Variants in ADAMTSL5 observed in about 807,000 individuals in gnomAD.
ADAMTSL5 encodes the protein ADAMTS-like protein 5.
A neutral mutation model predicts 51.7 loss-of-function variants in ADAMTSL5; 53 were observed. The ratio of observed to expected loss-of-function variants is 1.03; its 90% CI spans 0.82 to 1.29. ADAMTSL5 has a LOEUF of 1.29. ADAMTSL5 is among the 50% of genes most tolerant of loss of function. The pLI is 0.00. For synonymous variants in ADAMTSL5, 285 were observed against 278.7 expected, an observed-to-expected ratio of 1.02 and a Z score of -0.23; for missense variants, 770 against 676.2, an observed-to-expected ratio of 1.14 and a Z score of -1.54.
chr19:1,508,204 A>C lies in ADAMTSL5; in HGVS notation c.490-95T>G, dbSNP rs1913064196. ...CTGGGAGCAAGAGGACGAGGCCTGG[A>C]GGGAAGATGGGGGTGGAGCCTAGGG... On this transcript the variant is annotated intron_variant, in intron 6 of 11. Coordinates refer to ENST00000330475, the MANE Select transcript of ADAMTSL5 (RefSeq NM_213604.3). The C allele has an allele frequency of 2.2e-6, 3 of 1,359,940 alleles. No individual in the cohort carries two copies. The South Asian group carries it at 3.9e-5, about 18-fold the overall frequency. The allele number at this position is 1,359,940 out of a possible 1,614,324, so 84.2% of individuals were successfully genotyped here.
intron 6 of ADAMTSL5, 107 bp downstream of exon 6, chr19:1,508,336 A>C: frequency 1.2e-6 from 1 of 801,348 alleles, no homozygotes; most frequent in Non-Finnish European, 1.5e-6. Context: ...GGTGGAGCCT[A>C]GGGAGGGGGT....
intron 5 of ADAMTSL5, among the ~76,000 whole-genome samples, chr19:1,509,753 A>G (rs1913161403): frequency 6.6e-6 from 1 of 152,106 alleles, no homozygotes; most frequent in Non-Finnish European, 1.5e-5. Context: ...CTTTTCTTAT[A>G]TCTGTGTCTG....
In ADAMTSL5 at chr19:1,510,138, C is replaced by T; in HGVS notation, c.361+12G>A. ...TGGACCAATTCTGACCACAGGAGACCAGACTACTCACCCCCATGGAAGGGC... is the reference window on the plus strand; with the variant it reads ...TGGACCAATTCTGACCACAGGAGACTAGACTACTCACCCCCATGGAAGGGC... On this transcript the variant is annotated intron_variant, in intron 5 of 11. Transcript: ENST00000330475. 6.3e-7 allele frequency: 1 copy of T among 1,599,690 alleles called. No individual in the cohort carries two copies.
chr19:1,508,089 C>T lies in ADAMTSL5; in HGVS notation c.510G>A (p.Leu170=), dbSNP rs1568242524. ...GGTCCTCGAGGGCACCCGAGCCCAA[C>T]AACCCATCACAGCCGGCGCTCTAAA... is the stretch of plus-strand genomic sequence containing the variant. ...GRCLSAGCDG[L]LGSGALEDRC... The change falls in exon 7 of 12, where the codon TTG becomes TTA. Residue 170 remains leucine, a synonymous_variant. Transcript: ENST00000330475. 6.2e-7 allele frequency: 1 copy of T among 1,610,084 alleles called. No homozygotes were observed. The highest frequency in any genetic ancestry group is 1.7e-5 in the Admixed American group (1 of 59,738).
At position 1,507,576 on chromosome 19, in the gene ADAMTSL5, G is replaced by A. The variant is rs1913012224; in HGVS notation, c.669C>T (p.His223=). The part of the protein sequence containing the change: ...PEGARHIRVE[H]RSRNHLALMG... Reference sequence around the variant, plus strand: ...GGATACCCAGGTGGTTGCGGCTCCTGTGTTCCACGCGGATGTGTCTGGCGC... The same window carrying A: ...GGATACCCAGGTGGTTGCGGCTCCTATGTTCCACGCGGATGTGTCTGGCGC... Residue 223 remains histidine, a synonymous_variant, in exon 8 of 12, where the codon CAC becomes CAT. Coordinates refer to ENST00000330475, the MANE Select transcript of ADAMTSL5 (RefSeq NM_213604.3). 9 of 1,613,438 alleles carry A rather than the reference G, an allele frequency of 5.6e-6. No individual in the cohort carries two copies. The highest frequency in any genetic ancestry group is 7.6e-6 in the Non-Finnish European group (9 of 1,180,008).
intron 1 of ADAMTSL5, chr19:1,511,665 GC>G (rs1156961239): frequency 9.3e-7 from 1 of 1,079,524 alleles, no homozygotes; most frequent in South Asian, 1.3e-5. Context: ...ACTCTCCCAG[GC>G]CTCAGTTTCC....
chr19:1,507,774 C>A (rs577900269), intron 7 of ADAMTSL5, 131 bp from the exon 8 acceptor site: 3 of 1,047,464 alleles, frequency 2.9e-6, no homozygotes, highest in Non-Finnish European at 4.3e-6. Context: ...CCTCCGTAAA[C>A]GTTTGGAGTT....
chr19:1,510,933 G>A lies in ADAMTSL5; in HGVS notation c.11C>T (p.Ala4Val). 1 of 1,447,644 alleles carries A rather than the reference G, an allele frequency of 6.9e-7. No homozygotes were observed. Among genetic ancestry groups the A allele is most frequent in the Non-Finnish European group, 9.0e-7 (1 of 1,108,402 alleles). The allele number at this position is 1,447,644 out of a possible 1,614,324, so 89.7% of individuals were successfully genotyped here. A position where few individuals can be genotyped will look rare whatever the true frequency, so the allele number is the denominator to read the frequency against. MDS[A>V]PLFPRPHLFQ... ...GAGGTGGGGCCTGGGGAACAGAGGG[G>A]CCGAGTCCATAGAGCCACCGCCAGA... is the stretch of plus-strand genomic sequence containing the variant. The change falls in exon 2 of 12, where the codon GCC (alanine) becomes GTC (valine). Residue 4 changes from alanine (A) to valine (V), a missense_variant. Transcript: ENST00000330475.
chr19:1,510,515 G>T, intron 3 of ADAMTSL5, 87 bp from the exon 4 acceptor site: 1 of 1,506,058 alleles, frequency 6.6e-7, no homozygotes, highest in Non-Finnish European at 8.9e-7. Context: ...AACCCCACCC[G>T]CATTCCAGCG....
intron 1 of ADAMTSL5, chr19:1,511,532 CTT>C: frequency 8.4e-7 from 1 of 1,195,346 alleles, no homozygotes; most frequent in South Asian, 1.5e-5. Context: ...TTAATCGATG[CTT>C]GATGATTGGA....
At chr19:1,508,164 G>A in intron 6 of ADAMTSL5, 55 bp from the exon 7 acceptor site, 4 of 1,470,942 alleles carry the variant, frequency 2.7e-6, no homozygotes, top group South Asian at 1.2e-5. Context: ...GCAGGACCTG[G>A]GGAAAGGGCA....
rs1439531085 is a variant in ADAMTSL5, at chr19:1,505,570, T to G, written c.*445A>C. On this transcript the variant is annotated 3_prime_UTR_variant, in exon 12 of 12. Coordinates refer to ENST00000330475, the MANE Select transcript of ADAMTSL5 (RefSeq NM_213604.3). Reference sequence around the variant, plus strand: ...TGACAGTGTCTCTGCCCTTCACACATGAGGGTGTGTGTGAGTAGCAGAGAG... The same window carrying G: ...TGACAGTGTCTCTGCCCTTCACACAGGAGGGTGTGTGTGAGTAGCAGAGAG... The G allele has an allele frequency of 1.3e-5, 2 of 158,940 alleles. No homozygotes were observed. Among genetic ancestry groups the G allele is most frequent in the Non-Finnish European group, 2.8e-5 (2 of 72,544 alleles). 9.8% of individuals were successfully genotyped at this position (158,940 alleles called of 1,614,324 possible).
intron 7 of ADAMTSL5, 81 bp from the exon 8 acceptor site, chr19:1,507,724 C>T (rs1913023891): frequency 2.9e-6 from 4 of 1,388,360 alleles, no homozygotes; most frequent in Non-Finnish European, 4.1e-6. Flanking sequence ...TGAGCTACTG[C>T]GGGTAAGACA....
chr19:1,508,212 T>C, intron 6 of ADAMTSL5, 103 bp from the exon 7 acceptor site: 14 of 1,270,616 alleles, frequency 1.1e-5, no homozygotes, highest in Non-Finnish European at 1.5e-5. Context: ...GGAGGGAAGA[T>C]GGGGGTGGAG....
chr19:1,512,048 C>A (rs184225263), intron 1 of ADAMTSL5, among the ~76,000 whole-genome samples: 87 of 152,258 alleles, frequency 5.7e-4, no homozygotes, highest in African/African-American at 1.9e-3. Flanking sequence ...GATGAAGTCA[C>A]TTGCCATCCA....
intron 1 of ADAMTSL5, among the ~76,000 whole-genome samples, chr19:1,512,382 TA>T (rs938633253): frequency 6.6e-5 from 10 of 151,970 alleles, no homozygotes; most frequent in African/African-American, 9.7e-5. Flanking sequence ...ACCAGAAACT[TA>T]AAACAAGGGG....
chr19:1,510,988 G>T lies in ADAMTSL5; in HGVS notation c.-45C>A. On this transcript the variant is annotated 5_prime_UTR_variant, in exon 2 of 12. Transcript: ENST00000330475. ...CAGGGTTGTGTCCCGGCTCTGCCCT[G>T]ACTGGCTGTGTGATCTTGGAAAGTA... The T allele has an allele frequency of 1.5e-6, 2 of 1,307,202 alleles. No homozygotes were observed. The highest frequency in any genetic ancestry group is 4.3e-5 in the South Asian group (2 of 46,012). The allele number at this position is 1,307,202 out of a possible 1,614,324, so 81.0% of individuals were successfully genotyped here. A position where few individuals can be genotyped will look rare whatever the true frequency, so the allele number is the denominator to read the frequency against.
intron 5 of ADAMTSL5, 45 bp downstream of exon 5, chr19:1,510,105 G>T: frequency 6.8e-7 from 1 of 1,481,172 alleles, no homozygotes; most frequent in Non-Finnish European, 9.2e-7. Context: ...CTAATGAGTT[G>T]TTCGCTCTGG....
chr19:1,510,457 C>T, intron 3 of ADAMTSL5, 29 bp from the exon 4 acceptor site: 1 of 1,581,918 alleles, frequency 6.3e-7, no homozygotes, highest in Non-Finnish European at 8.6e-7. Context: ...TGGCGAGAAC[C>T]CCCAGGGACC....
Sources: allele counts gnomAD v4.1 joint callset (sites outside exome capture counted in the v4.1 genomes callset), GRCh38; gene constraint gnomAD v4.1.1; transcripts MANE v1.5; gene names NCBI Gene and HGNC (gene_info 2026-07-23, HGNC 2026-07-21).